GARS1: variants seen among roughly 807,000 people sequenced by gnomAD.
GARS1 encodes the protein glycyl-tRNA synthetase 1, also known as glycine--tRNA ligase.
GARS1 carries 46 observed loss-of-function variants against 86.4 expected under a neutral mutation model. The ratio of observed to expected loss-of-function variants is 0.53; its 90% CI spans 0.42 to 0.68. The LOEUF is 0.68. Ranked by LOEUF, GARS1 falls within the 30% of genes least tolerant of loss-of-function variation. GARS1 has a pLI of 0.00. For missense variants in GARS1, 797 were observed against 915.6 expected (o/e 0.87, Z 1.67); for synonymous variants, 342 against 329.8 (o/e 1.04, Z -0.40).
chr7:30,629,915 G>A (rs1783202762), intron 14 of GARS1, among the ~76,000 whole-genome samples: 1 of 152,202 alleles, frequency 6.6e-6, no homozygotes, highest in Non-Finnish European at 1.5e-5. Flanking sequence ...AAAGGTTTTA[G>A]AAAATCTTTT....
At chr7:30,612,712 C>G (rs890502117) in intron 8 of GARS1, among the ~76,000 whole-genome samples, 4 of 152,078 alleles carry the variant, frequency 2.6e-5, no homozygotes, top group African/African-American at 9.7e-5. Flanking sequence ...AACTGGAGTT[C>G]TGGAAACAAC....
At position 30,633,845 on chromosome 7, in the gene GARS1, G is replaced by A. The variant is rs746553499; in HGVS notation, c.2205G>A (p.Glu735=). Residue 735 remains glutamate (E), a synonymous_variant, in exon 17 of 17, where the codon GAG becomes GAA. Coordinates refer to ENST00000389266, the MANE Select transcript of GARS1 (RefSeq NM_002047.4). ...LFEGQETGKK[E]TIEE ...AAGGGCAAGAGACTGGTAAAAAAGA[G>A]ACAATCGAGGAATGAGGACAATTTT... The A allele has an allele frequency of 4.6e-6, 7 of 1,537,092 alleles. No individual in the cohort carries two copies. The African/African-American group carries it at 6.9e-5, about 15-fold the overall frequency.
chr7:30,612,833 A>G (rs1395932081), intron 8 of GARS1, among the ~76,000 whole-genome samples: 2 of 152,286 alleles, frequency 1.3e-5, no homozygotes, highest in Middle Eastern at 6.8e-3. Flanking sequence ...TGATCTATCC[A>G]GGGATGTGTG....
Position 30,602,928 on chromosome 7 carries a change from C to A in GARS1, c.570-106C>A, listed in dbSNP as rs1791409900. 4 of 826,636 alleles carry A rather than the reference C, an allele frequency of 4.8e-6. No homozygotes were observed. The Admixed American group carries it at 7.3e-5, about 15-fold the overall frequency. 51.2% of individuals were successfully genotyped at this position (826,636 alleles called of 1,614,324 possible). On this transcript the variant is annotated intron_variant, in intron 4 of 16. Coordinates refer to ENST00000389266, the MANE Select transcript of GARS1 (RefSeq NM_002047.4). ...TCATTACTATAGATATGGGAGCTTCCATCTTTGAGATGGATATAAATATTG... is the reference window on the plus strand; with the variant it reads ...TCATTACTATAGATATGGGAGCTTCAATCTTTGAGATGGATATAAATATTG...
chr7:30,633,808 A>G lies in GARS1; in HGVS notation c.2168A>G (p.Tyr723Cys), dbSNP rs559061999. ...ACATGGGCTGATGTGGAGGCCAGGT[A>G]TCCTCTGTTTGAAGGGCAAGAGACT... ...NITWADVEAR[Y>C]PLFEGQETGK... is the part of the protein sequence containing the mutation. Residue 723 changes from tyrosine (Y) to cysteine (C), a missense_variant, in exon 17 of 17, where the codon TAT (tyrosine) becomes TGT (cysteine). Tyr to Cys is a radical substitution (Grantham distance 194, BLOSUM62 -2). This residue lies in a region of GARS1 where 598 missense variants were observed against 738.7 expected (regional missense o/e 0.81). Transcript: ENST00000389266. 3.7e-6 allele frequency: 6 copies of G among 1,607,554 alleles called. No homozygotes were observed. Among genetic ancestry groups the G allele is most frequent in the East Asian group, 4.5e-5 (2 of 44,316 alleles).
Position 30,609,722 on chromosome 7 carries a change from C to A in GARS1, c.873C>A (p.Asn291Lys), listed in dbSNP as rs1280377387. The A allele has an allele frequency of 1.9e-6, 3 of 1,613,442 alleles. No individual in the cohort carries two copies. The highest frequency in any genetic ancestry group is 2.5e-6 in the Non-Finnish European group (3 of 1,179,572). ...AGACTTTCATTGGGCCTGGAGGAAA[C>A]ATGCCTGGGTATGTATCACTTATTG... Reference protein sequence around the residue: ...MFKTFIGPGGNMPGYLRPETA... With the variant: ...MFKTFIGPGGKMPGYLRPETA... The change falls in exon 7 of 17, where the codon AAC becomes AAA. Residue 291 changes from asparagine to lysine, a missense_variant. Around this residue, in one of 2 missense-constraint regions of GARS1, gnomAD observed 598 missense variants for 738.7 expected, o/e 0.81. Transcript: ENST00000389266.
intron 10 of GARS1, 82 bp downstream of exon 10, chr7:30,617,360 A>G: frequency 2.0e-6 from 3 of 1,468,524 alleles, no homozygotes; most frequent in Non-Finnish European, 2.8e-6. Flanking sequence ...TGTGCACTTT[A>G]TGTCACAGAG....
At chr7:30,619,244 G>A (rs1408340603) in intron 10 of GARS1, among the ~76,000 whole-genome samples, 1 of 152,132 alleles carries the variant, frequency 6.6e-6, no homozygotes, top group East Asian at 1.9e-4. Flanking sequence ...TTATCTAAGT[G>A]CCATTGTGAG....
chr7:30,615,177 T>C (rs937264967), intron 8 of GARS1, among the ~76,000 whole-genome samples: 9 of 152,230 alleles, frequency 5.9e-5, no homozygotes, highest in African/African-American at 2.2e-4. Flanking sequence ...CTTATATCCT[T>C]TGCCTTGAAT....
At position 30,594,893 on chromosome 7, in the gene GARS1, C is replaced by G. The variant is rs1444290259; in HGVS notation, c.-29C>G. On this transcript the variant is annotated 5_prime_UTR_variant, in exon 1 of 17. Coordinates refer to ENST00000389266, the MANE Select transcript of GARS1 (RefSeq NM_002047.4). ...GGCGCGCGCCGCTTCCGTCGCCACC[C>G]TCTCTGGACAGCCCAGGGCCGCAGG... The G allele has an allele frequency of 1.3e-6, 2 of 1,528,356 alleles. No homozygotes were observed. The highest frequency in any genetic ancestry group is 4.9e-5 in the East Asian group (2 of 41,018). 94.7% of individuals were successfully genotyped at this position (1,528,356 alleles called of 1,614,324 possible).
At chr7:30,608,004 A>G (rs1001457076) in intron 6 of GARS1, among the ~76,000 whole-genome samples, 5 of 152,216 alleles carry the variant, frequency 3.3e-5, no homozygotes, top group South Asian at 4.1e-4. Context: ...GGTCCCTCAT[A>G]GTATATAGAG....
At chr7:30,598,949 T>C (rs750700531) in intron 2 of GARS1, 52 bp downstream of exon 2, 3 of 1,380,632 alleles carry the variant, frequency 2.2e-6, no homozygotes, top group Non-Finnish European at 3.1e-6. Context: ...GGATTGTTCA[T>C]CTTTAATTTC....
At chr7:30,622,830 G>A (rs150270133) in intron 12 of GARS1, 4,552 of 293,100 alleles carry the variant, frequency 0.016, 207 homozygotes, top group African/African-American at 0.091. Flanking sequence ...GCCGGGCACA[G>A]TGGCTCATGG....
chr7:30,632,556 T>C lies in GARS1; in HGVS notation c.2094+119T>C. The C allele has an allele frequency of 9.4e-7, 1 of 1,065,452 alleles. No homozygotes were observed. Among genetic ancestry groups the C allele is most frequent in the Non-Finnish European group, 1.4e-6 (1 of 710,076 alleles). The allele number at this position is 1,065,452 out of a possible 1,614,324, so 66.0% of individuals were successfully genotyped here. Reference sequence around the variant, plus strand: ...CCTTTTTTTTTCTTTTTAATTTTAATGAACGGCTTGTATCAGACAGAGCCC... The same window carrying C: ...CCTTTTTTTTTCTTTTTAATTTTAACGAACGGCTTGTATCAGACAGAGCCC... On this transcript the variant is annotated intron_variant, in intron 16 of 16. Transcript: ENST00000389266. The surrounding 1 kb of genome is among the most constrained non-coding windows in gnomAD (Gnocchi z 4.1).
Position 30,632,833 on chromosome 7 carries a change from TC to T in GARS1, c.2094+397del, listed in dbSNP as rs1783263519. Among the ~76,000 whole-genome samples, 4 of 152,242 alleles carry T rather than the reference TC, an allele frequency of 2.6e-5. No homozygotes were observed. The South Asian group carries it at 6.2e-4, about 24-fold the overall frequency. Reference sequence around the variant, plus strand: ...TGTGTATGTATAAGCTTTTCCGTGTTCATATATTCAAAACAGTGAATCATGT... The same window carrying T: ...TGTGTATGTATAAGCTTTTCCGTGTTATATATTCAAAACAGTGAATCATGT... On this transcript the variant is annotated intron_variant, in intron 16 of 16. Transcript: ENST00000389266. This position sits in a 1 kb window ranked among gnomAD's most constrained non-coding sequence, Gnocchi z 4.1.
chr7:30,625,182 G>A (rs1485907929), intron 12 of GARS1, among the ~76,000 whole-genome samples: 1 of 152,126 alleles, frequency 6.6e-6, no homozygotes, highest in Non-Finnish European at 1.5e-5. Context: ...GACCTCAGGT[G>A]ATCCACCTAC....
At chr7:30,595,367 ACT>A (rs1405320187) in intron 1 of GARS1, among the ~76,000 whole-genome samples, 1 of 150,636 alleles carries the variant, frequency 6.6e-6, no homozygotes, top group African/African-American at 2.5e-5. Flanking sequence ...TTTTTGGATG[ACT>A]CCCTGGAACC....
At chr7:30,608,441 T>G (rs1791526563) in intron 6 of GARS1, among the ~76,000 whole-genome samples, 1 of 152,206 alleles carries the variant, frequency 6.6e-6, no homozygotes, top group Non-Finnish European at 1.5e-5. Flanking sequence ...ACCCGTGTCT[T>G]GAAGTTCACT....
At position 30,632,486 on chromosome 7, in the gene GARS1, T is replaced by C. The variant is rs1783257867; in HGVS notation, c.2094+49T>C. On this transcript the variant is annotated intron_variant, in intron 16 of 16. Transcript: ENST00000389266. This position sits in a 1 kb window ranked among gnomAD's most constrained non-coding sequence, Gnocchi z 4.1. Reference sequence around the variant, plus strand: ...TTTTAGCCTTAGAAATGTGTACTGCTTCTTACTGATTTGTGTTGGATTTTG... The same window carrying C: ...TTTTAGCCTTAGAAATGTGTACTGCCTCTTACTGATTTGTGTTGGATTTTG... 2 of 1,574,522 alleles carry C rather than the reference T, an allele frequency of 1.3e-6. No individual in the cohort carries two copies. Among genetic ancestry groups the C allele is most frequent in the Admixed American group, 1.7e-5 (1 of 59,930 alleles).
Sources: gnomAD v4.1 joint callset for allele counts (sites outside exome capture counted in the v4.1 genomes callset) on GRCh38, gnomAD v4.1.1 for gene constraint, gnomAD v4.1.1 regional missense constraint, Gnocchi (gnomAD v3.1) non-coding constraint, MANE v1.5 for transcripts, NCBI Gene and HGNC (gene_info 2026-07-23, HGNC 2026-07-21) for gene names.